The following NEK1 variants were observed in gnomAD, a reference collection of about 807,000 sequenced individuals.
The protein encoded by NEK1 is serine/threonine-protein kinase Nek1.
Under a neutral mutation model 182.1 loss-of-function variants are expected in NEK1, and 137 were observed. That is an observed-to-expected ratio of 0.75 (90% confidence interval 0.65 to 0.87). The LOEUF (loss-of-function observed/expected upper bound fraction) is 0.87. Among genes scored for constraint, NEK1 ranks in the 40% least tolerant of loss-of-function variants. The pLI, the probability that NEK1 is intolerant of heterozygous loss-of-function variation, is 0.00. For missense variants in NEK1, 1,391 were observed against 1,494.4 expected (o/e 0.93, Z 1.14); for synonymous variants, 513 against 492.2 (o/e 1.04, Z -0.56).
intron 16 of NEK1, among the ~76,000 whole-genome samples, chr4:169,559,473 A>T (rs962509456): frequency 2.6e-5 from 4 of 152,216 alleles, no homozygotes; most frequent in African/African-American, 9.6e-5. Context: ...AAATTTGGAA[A>T]AAGTTACTCT....
At chr4:169,440,836 G>A (rs551454376) in intron 27 of NEK1, among the ~76,000 whole-genome samples, 3 of 152,256 alleles carry the variant, frequency 2.0e-5, no homozygotes, top group South Asian at 2.1e-4. Flanking sequence ...TCAAAGTGAT[G>A]CATTATTCTA....
intron 2 of NEK1, among the ~76,000 whole-genome samples, chr4:169,604,999 T>C (rs1381657449): frequency 1.3e-5 from 2 of 152,138 alleles, no homozygotes; most frequent in South Asian, 2.1e-4. Flanking sequence ...TTCCAGAACA[T>C]GAATGTTTAA....
chr4:169,413,204 G>A (rs1733965567), intron 31 of NEK1, among the ~76,000 whole-genome samples: 1 of 149,020 alleles, frequency 6.7e-6, no homozygotes, highest in Admixed American at 6.7e-5. Context: ...GTCACGCTCT[G>A]TCATCCAGGC....
At chr4:169,506,351 T>C (rs1753246808) in intron 23 of NEK1, among the ~76,000 whole-genome samples, 1 of 152,208 alleles carries the variant, frequency 6.6e-6, no homozygotes, top group African/African-American at 2.4e-5. Flanking sequence ...TATAAGAATT[T>C]AATAAATCTT....
chr4:169,501,385 C>G (rs921541379), intron 23 of NEK1, among the ~76,000 whole-genome samples: 6 of 152,182 alleles, frequency 3.9e-5, no homozygotes, highest in Admixed American at 6.5e-5. Context: ...AAATTGGACA[C>G]TTGACCAGTT....
intron 19 of NEK1, among the ~76,000 whole-genome samples, chr4:169,528,921 T>C (rs1757280300): frequency 6.6e-6 from 1 of 152,162 alleles, no homozygotes; most frequent in Non-Finnish European, 1.5e-5. Context: ...CTACGAAGTA[T>C]GTCCTATGAC....
At chr4:169,506,580 C>G (rs1206321959) in intron 23 of NEK1, 4 of 152,400 alleles carry the variant, frequency 2.6e-5, no homozygotes, top group African/African-American at 9.7e-5. Flanking sequence ...TGGTGAAACC[C>G]TGTCTCTACT....
At chr4:169,576,138 T>C (rs1765654657) in intron 12 of NEK1, among the ~76,000 whole-genome samples, 2 of 151,994 alleles carry the variant, frequency 1.3e-5, no homozygotes, top group African/African-American at 2.4e-5. Context: ...CTAATTTTTG[T>C]ATTTTTAGTA....
chr4:169,556,999 T>A (rs911756452), intron 16 of NEK1, among the ~76,000 whole-genome samples: 3 of 152,222 alleles, frequency 2.0e-5, no homozygotes, highest in African/African-American at 7.2e-5. Flanking sequence ...TGCTAAATGC[T>A]ATCTGCCCTT....
intron 9 of NEK1, 66 bp downstream of exon 9, chr4:169,587,493 T>C: frequency 1.1e-6 from 1 of 887,342 alleles, no homozygotes; most frequent in Non-Finnish European, 1.7e-6. Context: ...TAACTTAAAA[T>C]ATAATAAAAA....
rs544535343 is a variant in NEK1 at position 169,538,061 on chromosome 4, ATT to A, written c.1563-152_1563-151del. 1.5e-3 allele frequency: 798 copies of A among 519,786 alleles called. 6 individuals are homozygous for A. Among genetic ancestry groups the A allele is most frequent in the African/African-American group, 0.012 (617 of 51,624 alleles). 32.2% of individuals were successfully genotyped at this position (519,786 alleles called of 1,614,324 possible). ...GTAATGAAGAAATCACTATATATAT[ATT>A]GACATCTACTACCTAAATCACATTC... On this transcript the variant is annotated intron_variant, in intron 18 of 35. Coordinates refer to ENST00000507142, the MANE Select transcript of NEK1 (RefSeq NM_001199397.3).
intron 19 of NEK1, among the ~76,000 whole-genome samples, chr4:169,523,849 A>C (rs900428318): frequency 5.9e-5 from 9 of 152,198 alleles, no homozygotes; most frequent in Non-Finnish European, 1.3e-4. Context: ...TTTCTGTATA[A>C]AATTAAATCA....
At chr4:169,437,275 C>A (rs1738588117) in intron 28 of NEK1, among the ~76,000 whole-genome samples, 1 of 151,958 alleles carries the variant, frequency 6.6e-6, no homozygotes, top group Non-Finnish European at 1.5e-5. Flanking sequence ...TACTCAAAGA[C>A]CTGTAGATGA....
rs371742048 is a variant in NEK1, at chr4:169,596,489, T to C, written c.312+2611A>G. On this transcript the variant is annotated intron_variant, in intron 5 of 35. Transcript: ENST00000507142. ...TACTGGTACATCTTTAAAATATCTA[T>C]GTAGAGACTGTCCAAGGGAACGTAC... Among the ~76,000 whole-genome samples, 33 of 152,110 alleles carry C rather than the reference T, an allele frequency of 2.2e-4. 1 individual carries two copies. The South Asian group carries it at 6.6e-3, about 31-fold the overall frequency.
At chr4:169,449,646 A>C (rs7693149) in intron 27 of NEK1, among the ~76,000 whole-genome samples, 44,008 of 151,728 alleles carry the variant, frequency 0.29, 9,000 homozygotes, top group African/African-American at 0.59. Flanking sequence ...ACAAAAAGGT[A>C]ATCTACACCA....
intron 12 of NEK1, among the ~76,000 whole-genome samples, chr4:169,569,074 T>C (rs1764198600): frequency 6.6e-6 from 1 of 152,110 alleles, no homozygotes; most frequent in Non-Finnish European, 1.5e-5. Flanking sequence ...ACACTAAAAG[T>C]TATAGCAAGT....
intron 33 of NEK1, among the ~76,000 whole-genome samples, 187 bp downstream of exon 33, chr4:169,401,465 T>C (rs940210728): frequency 4.0e-5 from 6 of 151,896 alleles, no homozygotes; most frequent in African/African-American, 1.2e-4. Flanking sequence ...ATAAAAACTT[T>C]AATAAAAAAT....
intron 23 of NEK1, among the ~76,000 whole-genome samples, chr4:169,496,664 T>C (rs1229131581): frequency 3.3e-5 from 5 of 149,586 alleles, no homozygotes; most frequent in Non-Finnish European, 7.4e-5. Flanking sequence ...GAGATAATCA[T>C]GTGGTTTTTG....
At chr4:169,558,471 G>A (rs1020134198) in intron 16 of NEK1, among the ~76,000 whole-genome samples, 2 of 152,064 alleles carry the variant, frequency 1.3e-5, no homozygotes, top group Non-Finnish European at 2.9e-5. Flanking sequence ...TCTGCTTTCC[G>A]TCACTACAGG....
Sources: allele counts gnomAD v4.1 joint callset (sites outside exome capture counted in the v4.1 genomes callset), GRCh38; gene constraint gnomAD v4.1.1; transcripts MANE v1.5; gene names NCBI Gene and HGNC (gene_info 2026-07-23, HGNC 2026-07-21).